Variants in NTNG1 observed in about 807,000 individuals in gnomAD.
NTNG1 encodes the protein netrin-G1.
Under a neutral mutation model 54.0 loss-of-function variants are expected in NTNG1, and 16 were observed. The observed-to-expected ratio is 0.30, with a 90% confidence interval of 0.20 to 0.45. The LOEUF is 0.45. Among genes scored for constraint, NTNG1 ranks in the 20% least tolerant of loss-of-function variants. The pLI is 1.00. For missense variants in NTNG1, 530 were observed against 678.7 expected (o/e 0.78, Z 2.43); for synonymous variants, 255 against 263.1 (o/e 0.97, Z 0.30).
In NTNG1 at chr1:107,482,178, C is replaced by CTAGGTG. The variant is rs1299800010; in HGVS notation, c.*1338_*1339insTAGGTG. 4.0e-5 allele frequency: 6 copies of CTAGGTG among 151,286 alleles called. No individual in the cohort carries two copies. The highest frequency in any genetic ancestry group is 1.5e-4 in the African/African-American group (6 of 41,134). 9.4% of individuals were successfully genotyped at this position (151,286 alleles called of 1,614,324 possible). ...GCTATTTTCACAGATTGATGGTGAT[C>CTAGGTG]ATGTGACTCTAGGGATGCTGATCTA... On this transcript the variant is annotated 3_prime_UTR_variant, in exon 8 of 8. Transcript: ENST00000370068.
chr1:107,161,536 C>T (rs1570735379), intron 2 of NTNG1, among the ~76,000 whole-genome samples: 1 of 151,858 alleles, frequency 6.6e-6, no homozygotes, highest in Non-Finnish European at 1.5e-5. Flanking sequence ...TGGTGTGCAC[C>T]TGTAATTCCA....
At chr1:107,430,999 TGCACC>T (rs1406013396) in intron 6 of NTNG1, 82 bp downstream of exon 6, 4 of 1,314,624 alleles carry the variant, frequency 3.0e-6, no homozygotes, top group Non-Finnish European at 4.2e-6. Context: ...GCTGGCGATT[TGCACC>T]GCGGTTGAGC....
chr1:107,397,576 T>G (rs944995420), intron 4 of NTNG1, among the ~76,000 whole-genome samples: 5 of 152,198 alleles, frequency 3.3e-5, no homozygotes, highest in African/African-American at 1.2e-4. Context: ...CTGTGGATTT[T>G]TAGATGGTTG....
At chr1:107,163,766 A>G (rs970124501) in intron 2 of NTNG1, among the ~76,000 whole-genome samples, 1 of 152,220 alleles carries the variant, frequency 6.6e-6, no homozygotes, top group Non-Finnish European at 1.5e-5. Flanking sequence ...TGTAATAACT[A>G]TTTCTGAAAA....
At chr1:107,350,088 TC>T (rs1207767925) in intron 3 of NTNG1, among the ~76,000 whole-genome samples, 2 of 152,182 alleles carry the variant, frequency 1.3e-5, no homozygotes, top group Non-Finnish European at 2.9e-5. Flanking sequence ...TTAATTTTTT[TC>T]AGCCTCATGA....
chr1:107,334,534 T>C (rs958513693), intron 3 of NTNG1, among the ~76,000 whole-genome samples: 3 of 151,842 alleles, frequency 2.0e-5, no homozygotes, highest in African/African-American at 7.3e-5. Context: ...ACAGCATCAT[T>C]AACTCCAGTA....
intron 2 of NTNG1, among the ~76,000 whole-genome samples, chr1:107,170,855 A>G (rs927117387): frequency 1.3e-5 from 2 of 152,150 alleles, no homozygotes; most frequent in African/African-American, 2.4e-5. Flanking sequence ...CAAGCTTGCA[A>G]TTCCCTTTTC....
intron 7 of NTNG1, among the ~76,000 whole-genome samples, chr1:107,440,085 G>C (rs1352669854): frequency 6.6e-6 from 1 of 151,880 alleles, no homozygotes. Flanking sequence ...ACCAGTGGGA[G>C]AGTAGGGCTG....
intron 3 of NTNG1, among the ~76,000 whole-genome samples, chr1:107,336,709 AT>A (rs1273312911): frequency 6.6e-6 from 1 of 152,018 alleles, no homozygotes; most frequent in Admixed American, 6.6e-5. Context: ...GGGTGGGAAT[AT>A]TTGTAAATCA....
At chr1:107,392,696 G>A (rs1672438234) in intron 3 of NTNG1, among the ~76,000 whole-genome samples, 1 of 152,110 alleles carries the variant, frequency 6.6e-6, no homozygotes, top group Non-Finnish European at 1.5e-5. Context: ...GCAAGTATAG[G>A]AAACTCAAGA....
At chr1:107,256,611 C>G (rs1438250373) in intron 2 of NTNG1, among the ~76,000 whole-genome samples, 5 of 152,118 alleles carry the variant, frequency 3.3e-5, no homozygotes. Context: ...AAAGGAAGAG[C>G]TAAGGGGAGG....
chr1:107,331,352 C>A (rs1668270218), intron 3 of NTNG1, among the ~76,000 whole-genome samples: 1 of 152,036 alleles, frequency 6.6e-6, no homozygotes, highest in African/African-American at 2.4e-5. Context: ...CTCTCCATGG[C>A]TTTTGGCTCA....
intron 2 of NTNG1, among the ~76,000 whole-genome samples, chr1:107,315,712 A>G (rs1316476711): frequency 1.3e-5 from 2 of 151,994 alleles, no homozygotes; most frequent in Admixed American, 6.6e-5. Context: ...GAACTCTGTG[A>G]TTTCCTTTTG....
chr1:107,472,718 A>T (rs1326996499), intron 7 of NTNG1, among the ~76,000 whole-genome samples: 1 of 152,142 alleles, frequency 6.6e-6, no homozygotes, highest in East Asian at 1.9e-4. Flanking sequence ...CGGGGAAGAA[A>T]AAAGGTTTTT....
intron 2 of NTNG1, among the ~76,000 whole-genome samples, chr1:107,151,142 A>G (rs934716315): frequency 6.6e-6 from 1 of 152,228 alleles, no homozygotes; most frequent in Non-Finnish European, 1.5e-5. Flanking sequence ...TATGCATATG[A>G]TAGGCATAAC....
intron 7 of NTNG1, among the ~76,000 whole-genome samples, chr1:107,460,162 G>A (rs1010272947): frequency 2.6e-5 from 4 of 152,188 alleles, no homozygotes; most frequent in Non-Finnish European, 5.9e-5. Context: ...GAGTTTCAGA[G>A]TCACAGATGG....
chr1:107,219,018 T>C (rs1660158876), intron 2 of NTNG1, among the ~76,000 whole-genome samples: 1 of 152,194 alleles, frequency 6.6e-6, no homozygotes, highest in South Asian at 2.1e-4. Context: ...CTCTGACTTT[T>C]AGACTTATCT....
chr1:107,386,519 T>C (rs900510701), intron 3 of NTNG1, among the ~76,000 whole-genome samples: 4 of 152,156 alleles, frequency 2.6e-5, no homozygotes, highest in African/African-American at 9.7e-5. Flanking sequence ...ATTTTTCACA[T>C]AGCACAATGC....
intron 2 of NTNG1, among the ~76,000 whole-genome samples, chr1:107,282,508 C>T (rs949542064): frequency 4.6e-5 from 7 of 152,126 alleles, no homozygotes; most frequent in Admixed American, 2.6e-4. Flanking sequence ...TGTAACACTA[C>T]TGAGAAGGTA....
Sources: allele counts gnomAD v4.1 joint callset (sites outside exome capture counted in the v4.1 genomes callset), GRCh38; gene constraint gnomAD v4.1.1; transcripts MANE v1.5; gene names NCBI Gene and HGNC (gene_info 2026-07-23, HGNC 2026-07-21).